Variants in CDC25A observed in about 807,000 individuals in gnomAD.
CDC25A encodes the protein cell division cycle 25A, also known as M-phase inducer phosphatase 1.
CDC25A carries 17 observed loss-of-function variants against 64.6 expected under a neutral mutation model. The observed-to-expected ratio is 0.26, with a 90% CI of 0.18 to 0.39. CDC25A has a LOEUF of 0.39. CDC25A is among the 10% of genes least tolerant of loss of function. The pLI, the probability that CDC25A is intolerant of heterozygous loss-of-function variation, is 1.00. For synonymous variants in CDC25A, 229 were observed against 238.6 expected (o/e 0.96, Z 0.37); for missense variants, 473 against 654.8 (o/e 0.72, Z 3.03).
chr3:48,159,516 G>T, intron 13 of CDC25A, 61 bp from the exon 14 acceptor site: 2 of 1,068,948 alleles, frequency 1.9e-6, no homozygotes, highest in Non-Finnish European at 2.9e-6. Flanking sequence ...ACAAGGCAAC[G>T]CAGTCAAAGC....
intron 9 of CDC25A, among the ~76,000 whole-genome samples, chr3:48,169,328 C>T (rs1354644157): frequency 6.6e-6 from 1 of 152,236 alleles, no homozygotes; most frequent in Non-Finnish European, 1.5e-5. Flanking sequence ...GCAGCAATCA[C>T]CAATGGCTGC....
intron 13 of CDC25A, among the ~76,000 whole-genome samples, chr3:48,163,442 T>C (rs2031873469): frequency 6.6e-6 from 1 of 150,572 alleles, no homozygotes; most frequent in Admixed American, 6.6e-5. Context: ...CTGCCTCTAC[T>C]AAAAATACAA....
intron 6 of CDC25A, among the ~76,000 whole-genome samples, chr3:48,178,470 C>T (rs1055415583): frequency 1.3e-5 from 2 of 152,180 alleles, no homozygotes; most frequent in Non-Finnish European, 2.9e-5. Flanking sequence ...AATCTATCCT[C>T]GTTCTTTAGA....
intron 5 of CDC25A, 141 bp from the exon 6 acceptor site, chr3:48,180,981 G>A (rs867769160): frequency 1.2e-5 from 8 of 683,064 alleles, no homozygotes; most frequent in Middle Eastern, 4.3e-4. Context: ...ATAGATCTGC[G>A]TAACTAAGAA....
intron 8 of CDC25A, among the ~76,000 whole-genome samples, chr3:48,175,166 G>A (rs1201320832): frequency 6.6e-6 from 1 of 152,106 alleles, no homozygotes; most frequent in East Asian, 1.9e-4. Flanking sequence ...GTGTGGTGGT[G>A]CGTGCCTTTA....
At chr3:48,173,847 C>G (rs1487892478) in intron 9 of CDC25A, among the ~76,000 whole-genome samples, 1 of 152,166 alleles carries the variant, frequency 6.6e-6, no homozygotes, top group African/African-American at 2.4e-5. Context: ...AGAAAAATCC[C>G]AACTTGAACA....
In CDC25A at chr3:48,188,032, C is replaced by T; in HGVS notation, c.-85G>A. 1 of 1,136,838 alleles carries T rather than the reference C, an allele frequency of 8.8e-7. No homozygotes were observed. The highest frequency in any genetic ancestry group is 3.2e-5 in the South Asian group (1 of 31,648). 70.4% of individuals were successfully genotyped at this position (1,136,838 alleles called of 1,614,324 possible). On this transcript the variant is annotated 5_prime_UTR_variant, in exon 1 of 15. Transcript: ENST00000302506. ...CCCGCCCCGCCGACACCGGCCTCGG[C>T]CGCGCGCCACCGGCGCCCGCGGGTC...
At chr3:48,186,846 T>C in intron 1 of CDC25A, 67 bp from the exon 2 acceptor site, 4 of 1,075,558 alleles carry the variant, frequency 3.7e-6, no homozygotes, top group Non-Finnish European at 4.2e-6. Flanking sequence ...ATGCAGGAGA[T>C]AGGCCATGAG....
chr3:48,167,765 G>A, intron 10 of CDC25A, 81 bp downstream of exon 10: 1 of 793,682 alleles, frequency 1.3e-6, no homozygotes, highest in Non-Finnish European at 2.3e-6. Context: ...GAACCACCCT[G>A]GGGAGGGAGA....
At chr3:48,171,473 C>T (rs1282384743) in intron 9 of CDC25A, among the ~76,000 whole-genome samples, 7 of 151,174 alleles carry the variant, frequency 4.6e-5, no homozygotes, top group Non-Finnish European at 1.0e-4. Context: ...CTCCATTTCC[C>T]GGGTTCAAGC....
rs372655408 is a variant in CDC25A, at chr3:48,180,800, C to A, written c.470G>T (p.Arg157Leu). 8 of 1,613,994 alleles carry A rather than the reference C, an allele frequency of 5.0e-6. No individual in the cohort carries two copies. Among genetic ancestry groups the A allele is most frequent in the South Asian group, 4.4e-5 (4 of 91,082 alleles). The change falls in exon 6 of 15, where the codon CGT (arginine) becomes CTT (leucine). Residue 157 changes from arginine to leucine, a missense_variant. Coordinates refer to ENST00000302506, the MANE Select transcript of CDC25A (RefSeq NM_001789.3). Reference sequence around the variant, plus strand: ...GAGTCCATGAGAGTGCAGGCAGCCACGAGATACAGGTCTTACTGGCTTCTT... The same window carrying A: ...GAGTCCATGAGAGTGCAGGCAGCCAAGAGATACAGGTCTTACTGGCTTCTT... ...EFKKPVRPVS[R>L]GCLHSHGLQE...
chr3:48,172,894 C>A (rs1294616412), intron 9 of CDC25A, among the ~76,000 whole-genome samples: 2 of 151,544 alleles, frequency 1.3e-5, no homozygotes, highest in African/African-American at 4.8e-5. Context: ...GCCTATACAA[C>A]TATGAGCAAT....
At position 48,158,684 on chromosome 3, in the gene CDC25A, C is replaced by T; in HGVS notation, c.*261G>A. 2.7e-6 allele frequency: 1 copy of T among 368,776 alleles called. No individual in the cohort carries two copies. Among genetic ancestry groups the T allele is most frequent in the Non-Finnish European group, 5.0e-6 (1 of 200,974 alleles). The allele number at this position is 368,776 out of a possible 1,614,324, so 22.8% of individuals were successfully genotyped here. On this transcript the variant is annotated 3_prime_UTR_variant, in exon 15 of 15. Coordinates refer to ENST00000302506, the MANE Select transcript of CDC25A (RefSeq NM_001789.3). ...TTCATCCCACTGTGGCTCAGAGCAG[C>T]TTGACACGGTGCTCAGAACTGCATT...
At chr3:48,160,044 G>A (rs2106678232) in intron 13 of CDC25A, among the ~76,000 whole-genome samples, 1 of 152,208 alleles carries the variant, frequency 6.6e-6, no homozygotes, top group South Asian at 2.1e-4. Context: ...CCCCACGCCA[G>A]CCCCTGCAGC....
intron 2 of CDC25A, among the ~76,000 whole-genome samples, chr3:48,185,764 C>G (rs987261482): frequency 2.0e-5 from 3 of 152,178 alleles, no homozygotes; most frequent in Non-Finnish European, 4.4e-5. Flanking sequence ...TACTAATATG[C>G]CAGCTCAGAT....
intron 5 of CDC25A, chr3:48,181,463 C>T (rs1339220277): frequency 1.5e-6 from 1 of 683,268 alleles, no homozygotes; most frequent in East Asian, 2.7e-5. Flanking sequence ...GTATTAAAAG[C>T]AGTAATGGCT....
At chr3:48,179,579 G>C (rs1352970022) in intron 6 of CDC25A, among the ~76,000 whole-genome samples, 1 of 152,026 alleles carries the variant, frequency 6.6e-6, no homozygotes, top group Non-Finnish European at 1.5e-5. Context: ...TGTTACCCAG[G>C]CTGTCTTGAA....
intron 5 of CDC25A, chr3:48,181,444 C>A: frequency 1.5e-6 from 1 of 645,202 alleles, no homozygotes; most frequent in South Asian, 1.8e-5. Context: ...CTTAAGAACT[C>A]ATAATTAAGT....
chr3:48,166,285 A>AAAAC (rs1046599195), intron 10 of CDC25A, among the ~76,000 whole-genome samples: 4 of 152,144 alleles, frequency 2.6e-5, no homozygotes, highest in East Asian at 1.9e-4. Flanking sequence ...TCCCTCTCAA[A>AAAAC]AAACAAACAA....
Sources: allele counts gnomAD v4.1 joint callset (sites outside exome capture counted in the v4.1 genomes callset), GRCh38; gene constraint gnomAD v4.1.1; transcripts MANE v1.5; gene names NCBI Gene and HGNC (gene_info 2026-07-23, HGNC 2026-07-21).